Variants in SPOUT1 observed in about 807,000 individuals in gnomAD.
SPOUT1 encodes 28S rRNA (uridine-N(3))-methyltransferase.
Under a neutral mutation model 54.8 loss-of-function variants are expected in SPOUT1, and 40 were observed. The ratio of observed to expected loss-of-function variants is 0.73; its 90% CI spans 0.57 to 0.95. The LOEUF is 0.95. Ranked by LOEUF, SPOUT1 falls within the 40% of genes least tolerant of loss-of-function variation. The probability of loss-of-function intolerance (pLI) is 0.00; values close to 1 mark genes in which losing one functional copy is unlikely to be tolerated. For missense variants in SPOUT1, 437 were observed against 499.5 expected, an observed-to-expected ratio of 0.87 and a Z score of 1.19; for synonymous variants, 193 against 200.3, an observed-to-expected ratio of 0.96 and a Z score of 0.31.
At position 128,826,954 on chromosome 9, in the gene SPOUT1, GC is replaced by G. The variant is rs914421678; in HGVS notation, c.368+77del. The stretch of plus-strand genomic sequence containing the variant: ...GGGAAGAGCCAGGCATGTGGACGGG[GC>G]CATGGTGAAGCCTCGGCCCATCCCG... On this transcript the variant is annotated intron_variant, in intron 4 of 11. Coordinates refer to ENST00000361256, the MANE Select transcript of SPOUT1 (RefSeq NM_016390.4). The surrounding 1 kb of genome is among the most constrained non-coding windows in gnomAD (Gnocchi z 5.5). 47 of 1,429,810 alleles carry G rather than the reference GC, an allele frequency of 3.3e-5. No homozygotes were observed. In the African/African-American group the frequency reaches 5.0e-4, roughly 15 times the overall value. 88.6% of individuals were successfully genotyped at this position (1,429,810 alleles called of 1,614,324 possible).
At chr9:128,827,294 A>G in intron 3 of SPOUT1, 103 bp from the exon 4 acceptor site, 1 of 1,146,694 alleles carries the variant, frequency 8.7e-7, no homozygotes, top group Non-Finnish European at 1.2e-6. Flanking sequence ...GAATTTCCCA[A>G]GTGGGAGGAA....
chr9:128,825,516 G>A (rs3793449), intron 7 of SPOUT1, among the ~76,000 whole-genome samples: 1 of 152,164 alleles, frequency 6.6e-6, no homozygotes, highest in East Asian at 1.9e-4. Flanking sequence ...ACTTTTATTA[G>A]AGACAGGGTT....
At chr9:128,828,265 G>A (rs1483011189) in intron 3 of SPOUT1, among the ~76,000 whole-genome samples, 3 of 152,186 alleles carry the variant, frequency 2.0e-5, no homozygotes, top group Non-Finnish European at 4.4e-5. Context: ...GGAGGCTGAA[G>A]TGGGCAGATC....
chr9:128,824,186 G>GCACAGCA lies in SPOUT1; in HGVS notation c.812-13_812-12insTGCTGTG. 1.3e-6 allele frequency: 2 copies of GCACAGCA among 1,563,252 alleles called. No individual in the cohort carries two copies. Among genetic ancestry groups the GCACAGCA allele is most frequent in the Non-Finnish European group, 1.8e-6 (2 of 1,134,988 alleles). On this transcript the variant is annotated splice_polypyrimidine_tract_variant and intron_variant, in intron 9 of 11. Transcript: ENST00000361256. ...AGCAAACACAGCACCTGGGGGTGGG[G>GCACAGCA]CCAGCTCAGTGCAGGTCCTGCTCCC...
chr9:128,829,071 G>C (rs1460769321), intron 2 of SPOUT1, 39 bp downstream of exon 2: 1 of 1,580,722 alleles, frequency 6.3e-7, no homozygotes, highest in South Asian at 1.1e-5. Context: ...CACTGGTGGA[G>C]TGGCCTATGG....
intron 1 of SPOUT1, 144 bp from the exon 2 acceptor site, chr9:128,829,299 C>T (rs1230637143): frequency 3.9e-6 from 3 of 765,570 alleles, no homozygotes; most frequent in Non-Finnish European, 7.0e-6. Context: ...CCCCAGAAAG[C>T]GGCAGGAGGG....
chr9:128,828,953 G>A (rs924141501), intron 2 of SPOUT1, 93 bp from the exon 3 acceptor site: 16 of 1,574,626 alleles, frequency 1.0e-5, no homozygotes, highest in Non-Finnish European at 1.3e-5. Context: ...AGCAGCCAGA[G>A]GGCAGCAAGG....
At position 128,826,777 on chromosome 9, in the gene SPOUT1, T is replaced by C. The variant is rs1229144258; in HGVS notation, c.369-148A>G. The C allele has an allele frequency of 1.9e-5, 13 of 687,078 alleles. No homozygotes were observed. The highest frequency in any genetic ancestry group is 2.9e-5 in the Non-Finnish European group (12 of 413,176). 42.6% of individuals were successfully genotyped at this position (687,078 alleles called of 1,614,324 possible). A position where few individuals can be genotyped will look rare whatever the true frequency, so the allele number is the denominator to read the frequency against. On this transcript the variant is annotated intron_variant, in intron 4 of 11. Transcript: ENST00000361256. The surrounding 1 kb of genome is among the most constrained non-coding windows in gnomAD (Gnocchi z 5.5). ...AGCAAGTAGAGGCTGCAGTGAGCCA[T>C]GACCATGCCACTGCATGCACTCCAG...
chr9:128,820,971 T>C lies in SPOUT1; in HGVS notation c.*1794A>G. On this transcript the variant is annotated 3_prime_UTR_variant, in exon 12 of 12. Transcript: ENST00000361256. ...CCAGTTCCCTACTCATCTGGTTTCT[T>C]GGCAAGCCTGTCAGCTTCCCTGCCT... 1 of 849,508 alleles carries C rather than the reference T, an allele frequency of 1.2e-6. No individual in the cohort carries two copies. The allele number at this position is 849,508 out of a possible 1,614,324, so 52.6% of individuals were successfully genotyped here. A position where few individuals can be genotyped will look rare whatever the true frequency, so the allele number is the denominator to read the frequency against.
At chr9:128,827,212 C>T in intron 3 of SPOUT1, 21 bp from the exon 4 acceptor site, 1 of 1,594,514 alleles carries the variant, frequency 6.3e-7, no homozygotes, top group Non-Finnish European at 8.6e-7. Flanking sequence ...GAGGGATGTT[C>T]CCAGCCAGTG....
rs766358513 is a variant in SPOUT1, at chr9:128,824,067, C to A, written c.914+5G>T. ...GCCCTGGCCGCAGCCCCAGGAGGTA[C>A]ACACCTGAAGTTGGGAAGCTGGGCA... On this transcript the variant is annotated splice_donor_5th_base_variant and intron_variant, in intron 10 of 11. Transcript: ENST00000361256. 1 of 1,611,046 alleles carries A rather than the reference C, an allele frequency of 6.2e-7. No individual in the cohort carries two copies. The highest frequency in any genetic ancestry group is 1.1e-5 in the South Asian group (1 of 91,032).
chr9:128,822,527 G>C lies in SPOUT1; in HGVS notation c.*238C>G. 2 of 1,559,940 alleles carry C rather than the reference G, an allele frequency of 1.3e-6. No homozygotes were observed. The highest frequency in any genetic ancestry group is 4.8e-5 in the East Asian group (2 of 41,964). ...CTTCCTGGTGCCCATCGAGAGCATT[G>C]AGCGGGCTTCGGGGCTGCTCTTTGT... On this transcript the variant is annotated 3_prime_UTR_variant, in exon 12 of 12. Transcript: ENST00000361256.
At position 128,826,022 on chromosome 9, in the gene SPOUT1, C is replaced by T; in HGVS notation, c.639G>A (p.Lys213=). 1.2e-6 allele frequency: 2 copies of T among 1,614,120 alleles called. No individual in the cohort carries two copies. The highest frequency in any genetic ancestry group is 1.7e-6 in the Non-Finnish European group (2 of 1,180,034). ...TCCTAGCCCATCTTTCTGTTCCTAC[C>T]TTTTTCATGCCACAGTTGACAAAGG... is the stretch of plus-strand genomic sequence containing the variant. The part of the protein sequence containing the change: ...HGSFVNCGMK[K]EVKIDKNLEP... Residue 213 remains lysine, a splice_region_variant and synonymous_variant, in exon 7 of 12, where the codon AAG becomes AAA. Coordinates refer to ENST00000361256, the MANE Select transcript of SPOUT1 (RefSeq NM_016390.4). This position sits in a 1 kb window ranked among gnomAD's most constrained non-coding sequence, Gnocchi z 5.5.
At position 128,829,727 on chromosome 9, in the gene SPOUT1, C is replaced by T. The variant is rs764678566; in HGVS notation, c.36+18G>A. 2 of 1,587,184 alleles carry T rather than the reference C, an allele frequency of 1.3e-6. No homozygotes were observed. The highest frequency in any genetic ancestry group is 1.3e-5 in the African/African-American group (1 of 74,484). Reference sequence around the variant, plus strand: ...TCCACCATGCTGCCCTGCACGGGGTCCCGCCGCCCGCACTTACCGGGCCGC... The same window carrying T: ...TCCACCATGCTGCCCTGCACGGGGTTCCGCCGCCCGCACTTACCGGGCCGC... On this transcript the variant is annotated intron_variant, in intron 1 of 11. Transcript: ENST00000361256.
chr9:128,822,646 C>T lies in SPOUT1; in HGVS notation c.*119G>A. 6.4e-7 allele frequency: 1 copy of T among 1,557,164 alleles called. No homozygotes were observed. ...CAGTGAGACTGTGGGTGTGTGCAGG[C>T]CGGGGAGTATTAAAGGTGGTGATTT... On this transcript the variant is annotated 3_prime_UTR_variant, in exon 12 of 12. Coordinates refer to ENST00000361256, the MANE Select transcript of SPOUT1 (RefSeq NM_016390.4).
chr9:128,823,240 C>G (rs545231749), intron 11 of SPOUT1, among the ~76,000 whole-genome samples: 1 of 152,086 alleles, frequency 6.6e-6, no homozygotes, highest in Non-Finnish European at 1.5e-5. Context: ...GCTGTCGGCC[C>G]GGCGAGACTG....
chr9:128,820,485 T>C lies in SPOUT1; in HGVS notation c.*2280A>G. On this transcript the variant is annotated 3_prime_UTR_variant, in exon 12 of 12. Transcript: ENST00000361256. Reference sequence around the variant, plus strand: ...CTCTCTGAAAGGTGGAGACAGGCTCTTCCTTCATTCGACTCTTGGGAGCTG... The same window carrying C: ...CTCTCTGAAAGGTGGAGACAGGCTCCTCCTTCATTCGACTCTTGGGAGCTG... The C allele has an allele frequency of 2.0e-6, 1 of 495,670 alleles. No individual in the cohort carries two copies. The highest frequency in any genetic ancestry group is 3.6e-6 in the Non-Finnish European group (1 of 275,216). 30.7% of individuals were successfully genotyped at this position (495,670 alleles called of 1,614,324 possible).
At position 128,826,580 on chromosome 9, in the gene SPOUT1, C is replaced by G. The variant is rs73622710; in HGVS notation, c.418G>C (p.Val140Leu). Residue 140 changes from valine (V) to leucine (L), a missense_variant, in exon 5 of 12, where the codon GTA (valine) becomes CTA (leucine). Coordinates refer to ENST00000361256, the MANE Select transcript of SPOUT1 (RefSeq NM_016390.4). The surrounding 1 kb of genome is among the most constrained non-coding windows in gnomAD (Gnocchi z 5.5). ...TACTGCAGGATCCGGGCCAGCTGTA[C>G]GCACGCCTGCCCCTTCTTCCCAACT... ...TGVGKKGQAC[V>L]QLARILQYLE... 2 of 1,604,512 alleles carry G rather than the reference C, an allele frequency of 1.2e-6. No homozygotes were observed. Among genetic ancestry groups the G allele is most frequent in the Non-Finnish European group, 1.7e-6 (2 of 1,174,756 alleles).
chr9:128,824,700 G>T, intron 9 of SPOUT1, 71 bp downstream of exon 9: 3 of 1,094,182 alleles, frequency 2.7e-6, no homozygotes, highest in South Asian at 1.3e-5. Context: ...CTGATATTTG[G>T]GTCAGGCAAG....
Sources: allele counts gnomAD v4.1 joint callset (sites outside exome capture counted in the v4.1 genomes callset), GRCh38; gene constraint gnomAD v4.1.1; non-coding constraint Gnocchi (gnomAD v3.1); transcripts MANE v1.5; gene names NCBI Gene and HGNC (gene_info 2026-07-23, HGNC 2026-07-21).